The following FAM149B1 variants were observed in gnomAD, a reference collection of about 807,000 sequenced individuals.
FAM149B1 encodes the protein primary cilium assembly protein FAM149B1.
In FAM149B1, 56 loss-of-function variants were observed where a neutral mutation model predicts 75.3. The ratio of observed to expected loss-of-function variants is 0.74; its 90% confidence interval spans 0.60 to 0.93. The LOEUF is 0.93. Ranked by LOEUF, FAM149B1 falls within the 40% of genes least tolerant of loss-of-function variation. The probability of loss-of-function intolerance (pLI) is 0.00; values close to 1 mark genes in which losing one functional copy is unlikely to be tolerated. For missense variants in FAM149B1, 639 were observed against 708.4 expected (o/e 0.90, Z 1.11); for synonymous variants, 259 against 256.1 (o/e 1.01, Z -0.11).
At chr10:73,232,575 A>G (rs531226852) in intron 9 of FAM149B1, among the ~76,000 whole-genome samples, 1 of 152,340 alleles carries the variant, frequency 6.6e-6, no homozygotes, top group Non-Finnish European at 1.5e-5. Context: ...CCTCAAACAG[A>G]GTAGGAATCA....
At chr10:73,203,410 C>T (rs1459528762) in intron 5 of FAM149B1, among the ~76,000 whole-genome samples, 1 of 152,094 alleles carries the variant, frequency 6.6e-6, no homozygotes, top group African/African-American at 2.4e-5. Flanking sequence ...TGAGGGGCAT[C>T]TAGCATTCTC....
intron 1 of FAM149B1, among the ~76,000 whole-genome samples, chr10:73,172,228 G>C (rs933371918): frequency 6.6e-6 from 1 of 152,170 alleles, no homozygotes; most frequent in Non-Finnish European, 1.5e-5. Context: ...ACCACTGAAT[G>C]AGAGACATAC....
intron 5 of FAM149B1, among the ~76,000 whole-genome samples, chr10:73,205,533 G>A (rs1001715014): frequency 6.6e-6 from 1 of 151,766 alleles, no homozygotes; most frequent in Non-Finnish European, 1.5e-5. Flanking sequence ...CCAGTCTCAG[G>A]TATTTTTGTT....
At chr10:73,224,989 A>G (rs1448903719) in intron 7 of FAM149B1, among the ~76,000 whole-genome samples, 1 of 151,542 alleles carries the variant, frequency 6.6e-6, no homozygotes, top group Non-Finnish European at 1.5e-5. Context: ...GAGCTGAAAA[A>G]CTCCTATCAC....
chr10:73,207,077 C>T (rs1238761067), intron 5 of FAM149B1, among the ~76,000 whole-genome samples: 10 of 152,146 alleles, frequency 6.6e-5, no homozygotes, highest in Non-Finnish European at 1.2e-4. Flanking sequence ...CCTGGGTGCC[C>T]AGGCAGAAGC....
At chr10:73,206,942 C>T (rs995937063) in intron 5 of FAM149B1, among the ~76,000 whole-genome samples, 11 of 148,186 alleles carry the variant, frequency 7.4e-5, no homozygotes, top group Admixed American at 7.3e-4. Context: ...AACAAACAAA[C>T]AAATGTTGCA....
At chr10:73,187,391 T>TAAA (rs773682735) in intron 3 of FAM149B1, among the ~76,000 whole-genome samples, 20 of 80,868 alleles carry the variant, frequency 2.5e-4, no homozygotes, top group African/African-American at 5.5e-4. Context: ...TCCAGATTAG[T>TAAA]AAAAAAAAAA....
intron 3 of FAM149B1, among the ~76,000 whole-genome samples, chr10:73,179,568 C>A (rs2042348519): frequency 6.6e-6 from 1 of 151,678 alleles, no homozygotes; most frequent in African/African-American, 2.4e-5. Context: ...TGCATGCCAC[C>A]ACACCCTGCT....
At chr10:73,210,157 A>G (rs2043155546) in intron 6 of FAM149B1, 94 bp from the exon 7 acceptor site, 4 of 778,646 alleles carry the variant, frequency 5.1e-6, no homozygotes, top group East Asian at 2.9e-5. Flanking sequence ...TTTTCCTCAA[A>G]TCAAAGTGAA....
intron 12 of FAM149B1, among the ~76,000 whole-genome samples, chr10:73,236,771 G>A (rs915415438): frequency 4.7e-5 from 7 of 148,944 alleles, no homozygotes; most frequent in Non-Finnish European, 8.9e-5. Flanking sequence ...TGCCCAGGCT[G>A]GAGTGCAGAG....
Position 73,243,797 on chromosome 10 carries a change from T to C in FAM149B1, c.*2778T>C, listed in dbSNP as rs771451161. Reference sequence around the variant, plus strand: ...AACATTCCAAAGAAAATATTAGCAGTAGGAATCAGATCATTAAAGATGTGG... The same window carrying C: ...AACATTCCAAAGAAAATATTAGCAGCAGGAATCAGATCATTAAAGATGTGG... On this transcript the variant is annotated 3_prime_UTR_variant, in exon 14 of 14. Transcript: ENST00000242505. 6.7e-7 allele frequency: 1 copy of C among 1,500,910 alleles called. No homozygotes were observed. The highest frequency in any genetic ancestry group is 1.2e-5 in the South Asian group (1 of 85,900). The allele number at this position is 1,500,910 out of a possible 1,614,324, so 93.0% of individuals were successfully genotyped here.
intron 5 of FAM149B1, among the ~76,000 whole-genome samples, chr10:73,203,128 T>C (rs1761035651): frequency 6.6e-6 from 1 of 152,212 alleles, no homozygotes; most frequent in South Asian, 2.1e-4. Flanking sequence ...GTTTTCTTCA[T>C]GGTTCAAGAT....
chr10:73,192,802 TTAATG>T, intron 4 of FAM149B1, 104 bp downstream of exon 4: 1 of 1,096,164 alleles, frequency 9.1e-7, no homozygotes, highest in Non-Finnish European at 1.3e-6. Flanking sequence ...GAGCATGACT[TTAATG>T]AATGTAAATA....
At chr10:73,220,145 G>T (rs533632545) in intron 7 of FAM149B1, among the ~76,000 whole-genome samples, 1 of 151,876 alleles carries the variant, frequency 6.6e-6, no homozygotes, top group Admixed American at 6.6e-5. Context: ...CATGAAAGAC[G>T]CTGTACATCG....
Position 73,230,493 on chromosome 10 carries a change from G to T in FAM149B1, c.1095G>T (p.Gln365His). The T allele has an allele frequency of 6.5e-7, 1 of 1,545,804 alleles. No individual in the cohort carries two copies. The highest frequency in any genetic ancestry group is 8.8e-7 in the Non-Finnish European group (1 of 1,141,606). The change falls in exon 9 of 14, where the codon CAG becomes CAT. Residue 365 changes from glutamine to histidine, a missense_variant. Coordinates refer to ENST00000242505, the MANE Select transcript of FAM149B1 (RefSeq NM_173348.2). ...TCTTGGTTCATGGAATGCCTCTACA[G>T]CCAAGAAATCTCTCCCTAATGGACA... is the stretch of plus-strand genomic sequence containing the variant. ...NDLLVHGMPL[Q>H]PRNLSLMDKL...
At chr10:73,184,228 T>C (rs1448868382) in intron 3 of FAM149B1, among the ~76,000 whole-genome samples, 1 of 151,984 alleles carries the variant, frequency 6.6e-6, no homozygotes, top group Admixed American at 6.6e-5. Context: ...AAAATACTAC[T>C]AGAAACAAAG....
At chr10:73,185,783 GA>G (rs1184034358) in intron 3 of FAM149B1, among the ~76,000 whole-genome samples, 2 of 151,952 alleles carry the variant, frequency 1.3e-5, no homozygotes, top group Non-Finnish European at 2.9e-5. Flanking sequence ...GAAAAGAAAA[GA>G]AAAAAATTAG....
chr10:73,184,515 A>G lies in FAM149B1; in HGVS notation c.282+6540A>G, dbSNP rs146251324. On this transcript the variant is annotated intron_variant, in intron 3 of 13. Transcript: ENST00000242505. ...CCCACCCAGTGACAGCAGTGTAGAT[A>G]CTCTTCAAGCACACATAAAGCAAGT... Among the ~76,000 whole-genome samples the G allele has an allele frequency of 5.3e-4, 81 of 151,734 alleles. 1 individual carries two copies. Among genetic ancestry groups the G allele is most frequent in the African/African-American group, 1.7e-3 (70 of 41,370 alleles).
At chr10:73,196,828 A>G (rs2042815208) in intron 5 of FAM149B1, among the ~76,000 whole-genome samples, 1 of 152,122 alleles carries the variant, frequency 6.6e-6, no homozygotes, top group African/African-American at 2.4e-5. Context: ...TTTCTTTCAG[A>G]CCTCAAATGC....
Sources: gnomAD v4.1 joint callset for allele counts (sites outside exome capture counted in the v4.1 genomes callset) on GRCh38, gnomAD v4.1.1 for gene constraint, MANE v1.5 for transcripts, NCBI Gene and HGNC (gene_info 2026-07-23, HGNC 2026-07-21) for gene names.